Variants in RASGRP3 observed in about 807,000 individuals in gnomAD.
The protein encoded by RASGRP3 is ras guanyl-releasing protein 3.
Under a neutral mutation model 82.7 loss-of-function variants are expected in RASGRP3, and 54 were observed. That is an observed-to-expected ratio of 0.65 (90% confidence interval 0.52 to 0.82). The LOEUF is 0.82. Among genes scored for constraint, RASGRP3 ranks in the 40% least tolerant of loss-of-function variants. The pLI is 0.00. For synonymous variants in RASGRP3, 309 were observed against 300.5 expected, an observed-to-expected ratio of 1.03 and a Z score of -0.29; for missense variants, 861 against 828.9, an observed-to-expected ratio of 1.04 and a Z score of -0.48.
intron 17 of RASGRP3, among the ~76,000 whole-genome samples, chr2:33,560,617 C>A (rs1398727312): frequency 6.6e-6 from 1 of 152,210 alleles, no homozygotes; most frequent in Non-Finnish European, 1.5e-5. Flanking sequence ...TTTCTGGATT[C>A]CCTGTCTAGT....
At chr2:33,465,231 C>T (rs964230131) in intron 2 of RASGRP3, among the ~76,000 whole-genome samples, 31 of 152,174 alleles carry the variant, frequency 2.0e-4, no homozygotes, top group African/African-American at 6.0e-4. Context: ...GTCTGGACAG[C>T]AGATCAAACC....
chr2:33,535,099 A>G (rs932678790), intron 11 of RASGRP3, among the ~76,000 whole-genome samples: 11 of 152,348 alleles, frequency 7.2e-5, no homozygotes, highest in African/African-American at 2.6e-4. Flanking sequence ...ATAAAATTAG[A>G]TTTAAAATTT....
chr2:33,471,897 AT>A (rs56153758), upstream of RASGRP3, among the ~76,000 whole-genome samples: 5,946 of 151,466 alleles, frequency 0.039, 399 homozygotes, highest in African/African-American at 0.14. Context: ...CCAATCAATG[AT>A]TTTTTTTTTT....
At chr2:33,538,503 AAAATAAAT>A (rs3083025) in intron 11 of RASGRP3, among the ~76,000 whole-genome samples, 3 of 145,288 alleles carry the variant, frequency 2.1e-5, no homozygotes, top group African/African-American at 5.1e-5. Flanking sequence ...ACTCTGTCTC[AAAATAAAT>A]AAATAAATAA....
intron 1 of RASGRP3, among the ~76,000 whole-genome samples, chr2:33,437,595 G>C (rs1158015615): frequency 6.6e-6 from 1 of 152,202 alleles, no homozygotes; most frequent in Non-Finnish European, 1.5e-5. Context: ...TTTAGAATCT[G>C]TCCCAAGAAG....
chr2:33,527,795 A>G (rs148557179), intron 10 of RASGRP3, among the ~76,000 whole-genome samples: 4 of 152,256 alleles, frequency 2.6e-5, no homozygotes, highest in African/African-American at 9.6e-5. Context: ...GCTTTGGCTG[A>G]AGCCTGGAGT....
At chr2:33,525,797 A>G (rs1672501368) in intron 9 of RASGRP3, among the ~76,000 whole-genome samples, 1 of 149,266 alleles carries the variant, frequency 6.7e-6, no homozygotes, top group South Asian at 2.1e-4. Context: ...TGATCACTTG[A>G]GCCCAGGAGT....
rs548817379 is a variant in RASGRP3 at position 33,522,724 on chromosome 2, C to T, written c.516+622C>T. Among the ~76,000 whole-genome samples, 32 of 152,318 alleles carry T rather than the reference C, an allele frequency of 2.1e-4. No homozygotes were observed. The South Asian group carries it at 4.6e-3, about 22-fold the overall frequency. On this transcript the variant is annotated intron_variant, in intron 7 of 17. Transcript: ENST00000403687. ...TTTTCCACACTGGTTCACAATCAGC[C>T]AGCCACTTTGCTTTGTCTCGCCAAG... is the stretch of plus-strand genomic sequence containing the variant.
At chr2:33,534,598 G>A (rs934548322) in intron 11 of RASGRP3, among the ~76,000 whole-genome samples, 198 bp downstream of exon 11, 6 of 151,720 alleles carry the variant, frequency 4.0e-5, no homozygotes, top group African/African-American at 7.3e-5. Context: ...GTGCGATCTC[G>A]GCTCACTGAA....
At chr2:33,468,030 T>C (rs886320956) in intron 2 of RASGRP3, among the ~76,000 whole-genome samples, 10 of 127,544 alleles carry the variant, frequency 7.8e-5, no homozygotes, top group Admixed American at 1.7e-4. Context: ...CTTTCTTTCT[T>C]TCTTTCTTTC....
chr2:33,464,830 C>T (rs1666596525), intron 2 of RASGRP3, among the ~76,000 whole-genome samples: 1 of 152,094 alleles, frequency 6.6e-6, no homozygotes, highest in Admixed American at 6.6e-5. Context: ...CAAAGCACAC[C>T]CATATTGGCT....
chr2:33,480,759 T>C (rs1574296198), intron 1 of RASGRP3, among the ~76,000 whole-genome samples: 1 of 152,352 alleles, frequency 6.6e-6, no homozygotes, highest in East Asian at 1.9e-4. Flanking sequence ...TATTGATTGC[T>C]CACTTATAGT....
intron 1 of RASGRP3, among the ~76,000 whole-genome samples, chr2:33,499,757 C>T (rs1313007890): frequency 7.8e-6 from 1 of 128,626 alleles, no homozygotes; most frequent in Admixed American, 7.5e-5. Flanking sequence ...ATTAAAATAT[C>T]AAATCCAAAA....
Position 33,495,568 on chromosome 2 carries a change from T to C in RASGRP3, c.-260-16142T>C, listed in dbSNP as rs74847699. ...TTACAGGACCAGGAAGATATTATAA[T>C]GATGTAATGAGTGAAATGAATTAGG... On this transcript the variant is annotated intron_variant, in intron 1 of 17. Coordinates refer to ENST00000403687, the MANE Select transcript of RASGRP3 (RefSeq NM_001139488.2). Among the ~76,000 whole-genome samples the C allele has an allele frequency of 7.2e-3, 1,095 of 152,038 alleles. 4 individuals are homozygous for C. Among genetic ancestry groups the C allele is most frequent in the Middle Eastern group, 0.068 (20 of 294 alleles).
chr2:33,474,740 G>A (rs555144498), upstream of RASGRP3, among the ~76,000 whole-genome samples: 39 of 152,308 alleles, frequency 2.6e-4, no homozygotes, highest in South Asian at 6.0e-3. Context: ...CCCAGAAGCC[G>A]AACAGATGCC....
chr2:33,544,716 C>T (rs927667146), intron 13 of RASGRP3, among the ~76,000 whole-genome samples: 4 of 152,102 alleles, frequency 2.6e-5, no homozygotes, highest in African/African-American at 4.8e-5. Context: ...AATCTGGAGC[C>T]GGATGCGATA....
intron 9 of RASGRP3, among the ~76,000 whole-genome samples, chr2:33,526,862 C>T (rs1672611068): frequency 6.6e-6 from 1 of 152,214 alleles, no homozygotes; most frequent in Non-Finnish European, 1.5e-5. Context: ...CTTAAGTATA[C>T]ATGATGCCAT....
intron 2 of RASGRP3, among the ~76,000 whole-genome samples, chr2:33,459,280 G>A (rs973818467): frequency 2.0e-5 from 3 of 151,964 alleles, no homozygotes; most frequent in Non-Finnish European, 2.9e-5. Flanking sequence ...GACTACAGGC[G>A]CCCGCCACCA....
At chr2:33,532,945 A>G (rs748813193) in intron 10 of RASGRP3, 3 of 152,212 alleles carry the variant, frequency 2.0e-5, no homozygotes, top group African/African-American at 7.2e-5. Context: ...AGAACAGGAA[A>G]AGGAATCTTT....
Sources: gnomAD v4.1 joint callset for allele counts (sites outside exome capture counted in the v4.1 genomes callset) on GRCh38, gnomAD v4.1.1 for gene constraint, MANE v1.5 for transcripts, NCBI Gene and HGNC (gene_info 2026-07-23, HGNC 2026-07-21) for gene names.